The following SCN2A variants were observed in gnomAD, a reference collection of about 807,000 sequenced individuals.
SCN2A encodes sodium voltage-gated channel alpha subunit 2, also known as sodium channel protein type 2 subunit alpha.
Under a neutral mutation model 188.7 loss-of-function variants are expected in SCN2A, and 20 were observed. That is an observed-to-expected ratio of 0.11 (90% CI 0.07 to 0.15). The LOEUF is 0.15. Ranked by LOEUF, SCN2A falls within the 10% of genes least tolerant of loss-of-function variation. The pLI is 1.00. For missense variants in SCN2A, 1,278 were observed against 2,445.0 expected, an observed-to-expected ratio of 0.52 and a Z score of 10.07; for synonymous variants, 804 against 833.1, an observed-to-expected ratio of 0.97 and a Z score of 0.60.
chr2:165,363,926 A>G (rs1361954916), intron 17 of SCN2A, among the ~76,000 whole-genome samples: 1 of 152,164 alleles, frequency 6.6e-6, no homozygotes, highest in Non-Finnish European at 1.5e-5. Flanking sequence ...TCATACATCA[A>G]TATTTTTTAA....
intron 1 of SCN2A, among the ~76,000 whole-genome samples, chr2:165,249,863 A>G (rs962867965): frequency 6.6e-6 from 1 of 152,078 alleles, no homozygotes; most frequent in African/African-American, 2.4e-5. Flanking sequence ...ACATAATCAT[A>G]TACTGAAAAA....
intron 1 of SCN2A, chr2:165,243,617 G>C (rs1323445458): frequency 6.7e-6 from 1 of 148,776 alleles, no homozygotes; most frequent in Non-Finnish European, 1.5e-5. Context: ...AAAAAAAAAA[G>C]TCAATGTCAG....
intron 22 of SCN2A, among the ~76,000 whole-genome samples, chr2:165,376,931 G>A (rs1273114903): frequency 7.8e-6 from 1 of 127,936 alleles, no homozygotes; most frequent in African/African-American, 2.7e-5. Context: ...TATTAAAATA[G>A]TCAGGAAAGG....
intron 1 of SCN2A, among the ~76,000 whole-genome samples, chr2:165,279,165 C>T (rs1401441693): frequency 2.0e-5 from 3 of 152,206 alleles, no homozygotes; most frequent in African/African-American, 7.2e-5. Flanking sequence ...AAAACCCATA[C>T]TCTTTCCCAT....
intron 1 of SCN2A, among the ~76,000 whole-genome samples, chr2:165,261,486 AT>A (rs1694593466): frequency 6.6e-6 from 1 of 152,242 alleles, no homozygotes; most frequent in South Asian, 2.1e-4. Context: ...GGGAAGTTAT[AT>A]ACTAGGTGAT....
intron 11 of SCN2A, among the ~76,000 whole-genome samples, chr2:165,318,294 G>A (rs1224461343): frequency 6.6e-6 from 1 of 152,124 alleles, no homozygotes; most frequent in Non-Finnish European, 1.5e-5. Flanking sequence ...GGTAAAGAGG[G>A]GAGAAGAAAG....
At chr2:165,263,428 G>C (rs1407695461) in intron 1 of SCN2A, among the ~76,000 whole-genome samples, 1 of 152,120 alleles carries the variant, frequency 6.6e-6, no homozygotes, top group Non-Finnish European at 1.5e-5. Context: ...TGAGGATCCA[G>C]TTTCATTCTC....
At chr2:165,273,144 T>C (rs1026215818) in intron 1 of SCN2A, 5 of 152,236 alleles carry the variant, frequency 3.3e-5, no homozygotes, top group Admixed American at 2.0e-4. Flanking sequence ...TCTTGATAAA[T>C]CTCTTATAGC....
chr2:165,369,923 T>G (rs1184749965), intron 19 of SCN2A, among the ~76,000 whole-genome samples: 1 of 152,160 alleles, frequency 6.6e-6, no homozygotes, highest in Non-Finnish European at 1.5e-5. Flanking sequence ...ATTTAAAAAT[T>G]ACTGAAACCC....
At chr2:165,322,350 T>TC (rs1698117843) in intron 11 of SCN2A, among the ~76,000 whole-genome samples, 2 of 152,164 alleles carry the variant, frequency 1.3e-5, no homozygotes, top group South Asian at 4.1e-4. Context: ...TCCTGCTGCA[T>TC]CCAGGAGTTG....
intron 1 of SCN2A, among the ~76,000 whole-genome samples, chr2:165,262,746 T>A (rs1257976409): frequency 6.6e-6 from 1 of 152,198 alleles, no homozygotes; most frequent in East Asian, 1.9e-4. Context: ...AATGACTTCC[T>A]TTCCTCTGGG....
intron 1 of SCN2A, among the ~76,000 whole-genome samples, chr2:165,264,589 T>A (rs1694755705): frequency 6.6e-6 from 1 of 152,080 alleles, no homozygotes; most frequent in African/African-American, 2.4e-5. Context: ...CCATTCGTTA[T>A]TTTTCCTGAC....
intron 17 of SCN2A, among the ~76,000 whole-genome samples, chr2:165,364,825 G>A (rs1017822759): frequency 6.6e-6 from 1 of 152,134 alleles, no homozygotes; most frequent in Non-Finnish European, 1.5e-5. Context: ...ACAAAAGCAA[G>A]ATCGCAGATG....
chr2:165,240,860 T>C (rs780114089), intron 1 of SCN2A, among the ~76,000 whole-genome samples: 1 of 152,296 alleles, frequency 6.6e-6, no homozygotes, highest in Non-Finnish European at 1.5e-5. Flanking sequence ...TTTTTAAATG[T>C]GTGGAATCTA....
chr2:165,336,031 A>G (rs750363740), intron 14 of SCN2A, among the ~76,000 whole-genome samples: 1 of 151,958 alleles, frequency 6.6e-6, no homozygotes, highest in African/African-American at 2.4e-5. Context: ...GGAAAGGCAA[A>G]TCAAAACTAA....
At chr2:165,355,017 A>G (rs1467152025) in intron 17 of SCN2A, among the ~76,000 whole-genome samples, 4 of 152,196 alleles carry the variant, frequency 2.6e-5, no homozygotes, top group Admixed American at 1.3e-4. Flanking sequence ...TGTTTTTTGT[A>G]CGTACTGGAA....
intron 16 of SCN2A, among the ~76,000 whole-genome samples, chr2:165,345,880 A>C (rs1330224301): frequency 6.6e-6 from 1 of 152,060 alleles, no homozygotes; most frequent in Admixed American, 6.5e-5. Flanking sequence ...TGCTTCCTTC[A>C]GGAGCTCTTG....
Position 165,389,838 on chromosome 2 carries a change from A to T in SCN2A, c.*14A>T, listed in dbSNP as rs1702061239. 6.3e-7 allele frequency: 1 copy of T among 1,584,564 alleles called. No individual in the cohort carries two copies. Among genetic ancestry groups the T allele is most frequent in the African/African-American group, 1.3e-5 (1 of 74,474 alleles). ...AGTAAAAAGTAAAAAGAAACCAAGA[A>T]TTTTCCATTTTGTGATCAATTGTTT... On this transcript the variant is annotated 3_prime_UTR_variant, in exon 27 of 27. Coordinates refer to ENST00000375437, the MANE Select transcript of SCN2A (RefSeq NM_001040142.2). The surrounding 1 kb of genome is among the most constrained non-coding windows in gnomAD (Gnocchi z 4.2).
chr2:165,316,506 A>G (rs1378329406), intron 11 of SCN2A, among the ~76,000 whole-genome samples: 1 of 152,222 alleles, frequency 6.6e-6, no homozygotes, highest in African/African-American at 2.4e-5. Flanking sequence ...AATACACAGT[A>G]CCTCAGAAGA....
Sources: gnomAD v4.1 joint callset for allele counts (sites outside exome capture counted in the v4.1 genomes callset) on GRCh38, gnomAD v4.1.1 for gene constraint, Gnocchi (gnomAD v3.1) non-coding constraint, MANE v1.5 for transcripts, NCBI Gene and HGNC (gene_info 2026-07-23, HGNC 2026-07-21) for gene names.